USP34: variants seen among roughly 807,000 people sequenced by gnomAD.
USP34 encodes ubiquitin carboxyl-terminal hydrolase 34.
USP34 carries 70 observed loss-of-function variants against 460.3 expected under a neutral mutation model. The ratio of observed to expected loss-of-function variants is 0.15; its 90% CI spans 0.13 to 0.19. The LOEUF (loss-of-function observed/expected upper bound fraction) is 0.19, where lower values mean the gene tolerates loss of function less well. Ranked by LOEUF, USP34 falls within the 10% of genes least tolerant of loss-of-function variation. The probability of loss-of-function intolerance (pLI) is 1.00; values close to 1 mark genes in which losing one functional copy is unlikely to be tolerated. For missense variants in USP34, 3,985 were observed against 4,236.2 expected, an observed-to-expected ratio of 0.94 and a Z score of 1.65; for synonymous variants, 1,647 against 1,405.3, an observed-to-expected ratio of 1.17 and a Z score of -3.85.
At chr2:61,396,410 C>T (rs1283035145) in intron 3 of USP34, among the ~76,000 whole-genome samples, 1 of 152,016 alleles carries the variant, frequency 6.6e-6, no homozygotes, top group African/African-American at 2.4e-5. Flanking sequence ...ATACGCATAA[C>T]GATGCTCATT....
chr2:61,351,097 C>G (rs2103785933), intron 10 of USP34, among the ~76,000 whole-genome samples: 1 of 152,254 alleles, frequency 6.6e-6, no homozygotes, highest in Non-Finnish European at 1.5e-5. Context: ...TGCTGAGGTG[C>G]ACACCTGTGG....
chr2:61,324,795 T>C (rs1016690703), intron 21 of USP34, among the ~76,000 whole-genome samples: 5 of 151,974 alleles, frequency 3.3e-5, no homozygotes, highest in Admixed American at 1.3e-4. Context: ...AAAGGTCTTA[T>C]AGAACTAAAA....
At chr2:61,457,326 G>A (rs961075038) in intron 1 of USP34, among the ~76,000 whole-genome samples, 2 of 152,118 alleles carry the variant, frequency 1.3e-5, no homozygotes, top group African/African-American at 4.8e-5. Context: ...GCCAAACTGA[G>A]GTCAAAACCA....
intron 30 of USP34, 65 bp from the exon 31 acceptor site, chr2:61,295,355 A>G (rs771615658): frequency 7.8e-5 from 117 of 1,503,196 alleles, no homozygotes; most frequent in Non-Finnish European, 1.0e-4. Flanking sequence ...GAAAAACTTT[A>G]AACAAACTGA....
Position 61,348,092 on chromosome 2 carries a change from C to T in USP34, c.2063G>A (p.Arg688Gln), listed in dbSNP as rs767181305. Residue 688 changes from arginine to glutamine, a missense_variant, in exon 15 of 80, where the codon CGA becomes CAA. By Grantham distance (43) the Arg-to-Gln change is conservative (BLOSUM62 1). Transcript: ENST00000398571. ...TGAACAAGCATCCAGCATTCGCATTCGATTATCTACTGATGGCAATGATTC... is the reference window on the plus strand; with the variant it reads ...TGAACAAGCATCCAGCATTCGCATTTGATTATCTACTGATGGCAATGATTC... ...NTESLPSVDN[R>Q]MRMLDACSHS... The T allele has an allele frequency of 6.2e-6, 10 of 1,614,036 alleles. No individual in the cohort carries two copies. The highest frequency in any genetic ancestry group is 2.2e-5 in the East Asian group (1 of 44,890).
chr2:61,279,379 T>C (rs976381303), intron 39 of USP34, among the ~76,000 whole-genome samples: 1 of 152,224 alleles, frequency 6.6e-6, no homozygotes, highest in African/African-American at 2.4e-5. Context: ...CATTTTCTTC[T>C]GAATTGACAA....
At chr2:61,406,439 C>T (rs1439242392) in intron 2 of USP34, among the ~76,000 whole-genome samples, 1 of 151,978 alleles carries the variant, frequency 6.6e-6, no homozygotes, top group African/African-American at 2.4e-5. Context: ...GTGTCAAGTA[C>T]TCAATATATG....
At chr2:61,365,547 A>T (rs191375505) in intron 10 of USP34, among the ~76,000 whole-genome samples, 2 of 148,116 alleles carry the variant, frequency 1.4e-5, no homozygotes, top group Non-Finnish European at 3.1e-5. Flanking sequence ...TAACATCCAC[A>T]AATTTCTCTT....
intron 23 of USP34, among the ~76,000 whole-genome samples, chr2:61,315,913 T>C (rs1404596452): frequency 6.6e-6 from 1 of 151,962 alleles, no homozygotes; most frequent in Non-Finnish European, 1.5e-5. Flanking sequence ...AAAATTATCA[T>C]AGTGGGCCGT....
intron 21 of USP34, among the ~76,000 whole-genome samples, chr2:61,323,899 G>T (rs1200048045): frequency 6.6e-6 from 1 of 152,098 alleles, no homozygotes; most frequent in Admixed American, 6.5e-5. Context: ...CCAAAATCAG[G>T]TCGCTTATTT....
chr2:61,190,156 GC>G, intron 78 of USP34, 114 bp downstream of exon 78: 1 of 1,428,716 alleles, frequency 7.0e-7, no homozygotes. Context: ...GTCGCACATG[GC>G]TTAAGAGTTT....
At chr2:61,325,540 A>T in intron 20 of USP34, 83 bp from the exon 21 acceptor site, 1 of 729,772 alleles carries the variant, frequency 1.4e-6, no homozygotes, top group Non-Finnish European at 2.0e-6. Flanking sequence ...TGCATAACTT[A>T]TACCAAAAAT....
At chr2:61,270,788 T>C (rs996739071) in intron 41 of USP34, among the ~76,000 whole-genome samples, 2 of 152,074 alleles carry the variant, frequency 1.3e-5, no homozygotes, top group African/African-American at 4.8e-5. Context: ...CAATAATGCT[T>C]TCATTTTATA....
chr2:61,268,317 G>A (rs1470646938), intron 41 of USP34, among the ~76,000 whole-genome samples: 1 of 151,584 alleles, frequency 6.6e-6, no homozygotes, highest in Non-Finnish European at 1.5e-5. Flanking sequence ...GCTCCCCAAT[G>A]TTGGAGGTGA....
intron 5 of USP34, among the ~76,000 whole-genome samples, chr2:61,394,253 A>T (rs1043492580): frequency 8.5e-5 from 13 of 152,210 alleles, no homozygotes; most frequent in African/African-American, 3.1e-4. Flanking sequence ...TGTGTAAGAG[A>T]ATTCAGGCAT....
chr2:61,287,506 T>C (rs1024782998), intron 34 of USP34, among the ~76,000 whole-genome samples: 1 of 152,196 alleles, frequency 6.6e-6, no homozygotes, highest in Non-Finnish European at 1.5e-5. Flanking sequence ...ATCTGGGTTT[T>C]CTCCCAACTC....
At position 61,190,331 on chromosome 2, in the gene USP34, G is replaced by A; in HGVS notation, c.9813C>T (p.Asn3271=). The change falls in exon 78 of 80, where the codon AAC becomes AAT. Residue 3271 remains asparagine, a synonymous_variant. Transcript: ENST00000398571. ...LITNLISQYQ[N]LQSDFSNRVE... ...CTCGGTTGGAGAAATCAGACTGTAG[G>A]TTCTGATACTGGCTTATCAAGTTTG... is the stretch of plus-strand genomic sequence containing the variant. 6.2e-7 allele frequency: 1 copy of A among 1,613,790 alleles called. No individual in the cohort carries two copies. Among genetic ancestry groups the A allele is most frequent in the Non-Finnish European group, 8.5e-7 (1 of 1,179,928 alleles).
intron 75 of USP34, among the ~76,000 whole-genome samples, chr2:61,198,512 C>T (rs1404200942): frequency 6.6e-6 from 1 of 151,966 alleles, no homozygotes; most frequent in Non-Finnish European, 1.5e-5. Flanking sequence ...CTCTTCTTTC[C>T]CCAAACCATA....
chr2:61,400,328 C>G (rs1360344672), intron 3 of USP34, among the ~76,000 whole-genome samples: 2 of 152,096 alleles, frequency 1.3e-5, no homozygotes, highest in Admixed American at 1.3e-4. Context: ...CCAAGATGGT[C>G]TTGATCTCCT....
Sources: gnomAD v4.1 joint callset for allele counts (sites outside exome capture counted in the v4.1 genomes callset) on GRCh38, gnomAD v4.1.1 for gene constraint, MANE v1.5 for transcripts, NCBI Gene and HGNC (gene_info 2026-07-23, HGNC 2026-07-21) for gene names.